The following GRIN2B variants were observed in gnomAD, a reference collection of about 807,000 sequenced individuals.
The protein encoded by GRIN2B is glutamate receptor ionotropic, NMDA 2B.
A neutral mutation model predicts 114.5 loss-of-function variants in GRIN2B; 5 were observed. The observed-to-expected ratio is 0.04, with a 90% CI of 0.02 to 0.09. The LOEUF is 0.09. Ranked by LOEUF, GRIN2B falls within the 10% of genes least tolerant of loss-of-function variation. The probability of loss-of-function intolerance (pLI) is 1.00; values close to 1 mark genes in which losing one functional copy is unlikely to be tolerated. For missense variants in GRIN2B, 1,108 were observed against 1,943.5 expected, an observed-to-expected ratio of 0.57 and a Z score of 8.08; for synonymous variants, 787 against 745.1, an observed-to-expected ratio of 1.06 and a Z score of -0.92.
chr12:13,920,607 A>C (rs1679081483), intron 2 of GRIN2B, among the ~76,000 whole-genome samples: 1 of 152,118 alleles, frequency 6.6e-6, no homozygotes, highest in African/African-American at 2.4e-5. Flanking sequence ...AGATCCCAGC[A>C]GTGAGAGGCT....
chr12:13,561,676 G>A lies in GRIN2B; in HGVS notation c.*1107C>T, dbSNP rs1948546100. On this transcript the variant is annotated 3_prime_UTR_variant, in exon 14 of 14. Coordinates refer to ENST00000609686, the MANE Select transcript of GRIN2B (RefSeq NM_000834.5). The stretch of plus-strand genomic sequence containing the variant: ...GCTTTGTAGAATCTTTTGCTCCCAA[G>A]TGTGGGCAAAAGAATCATGGCTGTG... The A allele has an allele frequency of 6.6e-6, 1 of 152,616 alleles. No homozygotes were observed. Among genetic ancestry groups the A allele is most frequent in the South Asian group, 2.1e-4 (1 of 4,826 alleles). The allele number at this position is 152,616 out of a possible 1,614,324, so 9.5% of individuals were successfully genotyped here. A position where few individuals can be genotyped will look rare whatever the true frequency, so the allele number is the denominator to read the frequency against.
At chr12:13,786,993 C>A (rs1319786995) in intron 3 of GRIN2B, among the ~76,000 whole-genome samples, 2 of 152,150 alleles carry the variant, frequency 1.3e-5, no homozygotes, top group Admixed American at 6.5e-5. Context: ...TCCACCTCCT[C>A]CAAGGAACCT....
chr12:13,627,545 G>A (rs1949580396), intron 5 of GRIN2B, among the ~76,000 whole-genome samples: 1 of 152,220 alleles, frequency 6.6e-6, no homozygotes, highest in African/African-American at 2.4e-5. Context: ...CAACATCTCA[G>A]AAGCCAAGAA....
chr12:13,825,962 TTAA>T (rs908569753), intron 3 of GRIN2B, among the ~76,000 whole-genome samples: 133 of 152,334 alleles, frequency 8.7e-4, no homozygotes, highest in African/African-American at 2.9e-3. Flanking sequence ...AATATTATTA[TTAA>T]TATGTTTGGC....
chr12:13,579,504 C>T (rs1177137254), intron 10 of GRIN2B, among the ~76,000 whole-genome samples: 1 of 152,200 alleles, frequency 6.6e-6, no homozygotes, highest in East Asian at 1.9e-4. Context: ...TCAATCTGGG[C>T]AAAGTATTGG....
rs1414882315 is a variant in GRIN2B at position 13,539,409 on chromosome 12, C to T, written c.*23374G>A. 6.6e-6 allele frequency: 1 copy of T among 152,166 alleles called. No individual in the cohort carries two copies. Among genetic ancestry groups the T allele is most frequent in the East Asian group, 1.9e-4 (1 of 5,202 alleles). The allele number at this position is 152,166 out of a possible 1,614,324, so 9.4% of individuals were successfully genotyped here. On this transcript the variant is annotated 3_prime_UTR_variant, in exon 14 of 14. Coordinates refer to ENST00000609686, the MANE Select transcript of GRIN2B (RefSeq NM_000834.5). Reference sequence around the variant, plus strand: ...TTGGCATGTGAAAAGCTAAATATGTCTATGCTATTTTCTTACCAAGATAGC... The same window carrying T: ...TTGGCATGTGAAAAGCTAAATATGTTTATGCTATTTTCTTACCAAGATAGC...
At chr12:13,878,783 C>T (rs1866028802) in intron 2 of GRIN2B, among the ~76,000 whole-genome samples, 1 of 152,174 alleles carries the variant, frequency 6.6e-6, no homozygotes, top group Non-Finnish European at 1.5e-5. Context: ...AACAGATAAA[C>T]AGCTGAAGAC....
chr12:13,930,194 GATAAATAA>G (rs1250384346), intron 2 of GRIN2B, among the ~76,000 whole-genome samples: 1 of 151,892 alleles, frequency 6.6e-6, no homozygotes, highest in African/African-American at 2.4e-5. Context: ...ACAATAAATA[GATAAATAA>G]ATAAATAAAT....
intron 9 of GRIN2B, 38 bp downstream of exon 9, chr12:13,611,687 A>G: frequency 6.2e-7 from 1 of 1,607,798 alleles, no homozygotes; most frequent in South Asian, 1.1e-5. Context: ...ATAAGGAGAA[A>G]AAAACTGGGG....
At chr12:13,882,964 A>C (rs184836222) in intron 2 of GRIN2B, among the ~76,000 whole-genome samples, 1 of 152,316 alleles carries the variant, frequency 6.6e-6, no homozygotes, top group East Asian at 1.9e-4. Context: ...TGTGATTTCT[A>C]TAATTTGCTT....
At chr12:13,845,793 T>G (rs1865463140) in intron 3 of GRIN2B, among the ~76,000 whole-genome samples, 1 of 152,136 alleles carries the variant, frequency 6.6e-6, no homozygotes, top group Non-Finnish European at 1.5e-5. Context: ...AGGAATTCCC[T>G]TTCCTTTCCC....
chr12:13,649,971 T>C (rs998150107), intron 5 of GRIN2B, among the ~76,000 whole-genome samples: 17 of 152,018 alleles, frequency 1.1e-4, no homozygotes, highest in Non-Finnish European at 1.8e-4. Flanking sequence ...AGCAATTCAC[T>C]TCAACAGAAG....
intron 4 of GRIN2B, among the ~76,000 whole-genome samples, chr12:13,687,503 A>G (rs1334798553): frequency 1.3e-5 from 2 of 152,130 alleles, no homozygotes; most frequent in African/African-American, 4.8e-5. Flanking sequence ...AATCATGCCA[A>G]GGTCTCCAAA....
intron 3 of GRIN2B, among the ~76,000 whole-genome samples, chr12:13,856,326 G>A (rs1865660742): frequency 1.3e-5 from 2 of 152,164 alleles, no homozygotes; most frequent in Admixed American, 1.3e-4. Flanking sequence ...AGATTAAAGA[G>A]GACGCTTCAT....
At chr12:13,908,189 G>GA (rs1200331655) in intron 2 of GRIN2B, among the ~76,000 whole-genome samples, 3 of 149,288 alleles carry the variant, frequency 2.0e-5, no homozygotes, top group South Asian at 2.1e-4. Flanking sequence ...TATCATCCAA[G>GA]AAAAAACTGA....
In GRIN2B at chr12:13,571,494, G is replaced by A. The variant is rs1490946903; in HGVS notation, c.2171+310C>T. Among the ~76,000 whole-genome samples, 5 of 151,696 alleles carry A rather than the reference G, an allele frequency of 3.3e-5. No individual in the cohort carries two copies. The South Asian group carries it at 6.3e-4, about 19-fold the overall frequency. ...TTGGACAACAGGTCTTTACATACAC[G>A]GCACAAATACCTTATCCTTCACTCT... On this transcript the variant is annotated intron_variant, in intron 11 of 13. Transcript: ENST00000609686.
chr12:13,661,297 AC>A (rs1949920309), intron 5 of GRIN2B, among the ~76,000 whole-genome samples: 1 of 152,164 alleles, frequency 6.6e-6, no homozygotes. Flanking sequence ...TGTGCCTAAA[AC>A]CTTTAAATGC....
At position 13,885,460 on chromosome 12, in the gene GRIN2B, C is replaced by A. The variant is rs185672774; in HGVS notation, c.-18-19234G>T. Among the ~76,000 whole-genome samples the A allele has an allele frequency of 2.2e-3, 341 of 152,224 alleles. 1 individual carries two copies. Among genetic ancestry groups the A allele is most frequent in the Non-Finnish European group, 4.0e-3 (269 of 68,012 alleles). ...GTGGTTAGAAGCCCTCTAAGAGGAA[C>A]CTTTTCTCCCCGTTAATGTGAAAGA... On this transcript the variant is annotated intron_variant, in intron 2 of 13. Coordinates refer to ENST00000609686, the MANE Select transcript of GRIN2B (RefSeq NM_000834.5).
At chr12:13,966,517 C>A (rs1325874601) in intron 2 of GRIN2B, among the ~76,000 whole-genome samples, 1 of 152,152 alleles carries the variant, frequency 6.6e-6, no homozygotes, top group East Asian at 1.9e-4. Context: ...AATTCATGTT[C>A]TCTAAATATT....
Sources: gnomAD v4.1 joint callset for allele counts (sites outside exome capture counted in the v4.1 genomes callset) on GRCh38, gnomAD v4.1.1 for gene constraint, MANE v1.5 for transcripts, NCBI Gene and HGNC (gene_info 2026-07-23, HGNC 2026-07-21) for gene names.